NRXN1: variants seen among roughly 807,000 people sequenced by gnomAD.
The protein encoded by NRXN1 is neurexin 1.
Under a neutral mutation model 150.9 loss-of-function variants are expected in NRXN1, and 39 were observed. That is an observed-to-expected ratio of 0.26 (90% CI 0.20 to 0.34). The LOEUF (loss-of-function observed/expected upper bound fraction) is 0.34. Among genes scored for constraint, NRXN1 ranks in the 10% least tolerant of loss-of-function variants. NRXN1 has a pLI of 1.00. For missense variants in NRXN1, 1,815 were observed against 1,949.9 expected (o/e 0.93, Z 1.30); for synonymous variants, 924 against 757.0 (o/e 1.22, Z -3.62).
chr2:50,687,565 C>T (rs1296063095), intron 5 of NRXN1, among the ~76,000 whole-genome samples: 6 of 152,088 alleles, frequency 3.9e-5, no homozygotes, highest in African/African-American at 1.4e-4. Flanking sequence ...GGCTGGGAAA[C>T]CAGATAACCA....
chr2:50,841,495 T>C (rs892624313), intron 5 of NRXN1, among the ~76,000 whole-genome samples: 3 of 152,212 alleles, frequency 2.0e-5, no homozygotes, highest in East Asian at 1.9e-4. Context: ...TACATATGTA[T>C]ACGTATGTGT....
At chr2:50,278,212 A>G (rs1574892553) in intron 17 of NRXN1, among the ~76,000 whole-genome samples, 1 of 87,962 alleles carries the variant, frequency 1.1e-5, no homozygotes, top group Non-Finnish European at 2.4e-5. Context: ...GACACCACCC[A>G]CCACCACACC....
At chr2:50,888,430 G>T (rs1460621410) in intron 5 of NRXN1, among the ~76,000 whole-genome samples, 1 of 151,518 alleles carries the variant, frequency 6.6e-6, no homozygotes, top group Non-Finnish European at 1.5e-5. Flanking sequence ...GGCTAAGGTG[G>T]AACTGAAAGC....
intron 5 of NRXN1, among the ~76,000 whole-genome samples, chr2:50,650,411 C>T (rs1685443761): frequency 6.6e-6 from 1 of 152,126 alleles, no homozygotes; most frequent in Non-Finnish European, 1.5e-5. Context: ...GCTCTCTTCC[C>T]CTGAATCCTC....
At chr2:50,838,728 C>G (rs566527881) in intron 5 of NRXN1, among the ~76,000 whole-genome samples, 3 of 151,998 alleles carry the variant, frequency 2.0e-5, no homozygotes, top group East Asian at 3.9e-4. Context: ...CAAGGACCAC[C>G]AGGGAAAACC....
intron 19 of NRXN1, among the ~76,000 whole-genome samples, chr2:50,067,128 T>C (rs574050034): frequency 6.6e-6 from 1 of 152,182 alleles, no homozygotes; most frequent in East Asian, 1.9e-4. Flanking sequence ...TATATTCATG[T>C]GAGACTGCTG....
At chr2:50,849,550 C>T (rs1035189695) in intron 5 of NRXN1, among the ~76,000 whole-genome samples, 3 of 152,200 alleles carry the variant, frequency 2.0e-5, no homozygotes, top group Non-Finnish European at 2.9e-5. Flanking sequence ...TTTTCTAATA[C>T]TTTTCCACTT....
At chr2:50,596,410 G>C (rs952867929) in intron 8 of NRXN1, among the ~76,000 whole-genome samples, 6 of 152,084 alleles carry the variant, frequency 3.9e-5, no homozygotes, top group Non-Finnish European at 8.8e-5. Context: ...GTTCTTTGTT[G>C]ATGTACACCA....
At chr2:50,832,214 A>G (rs911457898) in intron 5 of NRXN1, among the ~76,000 whole-genome samples, 2 of 152,204 alleles carry the variant, frequency 1.3e-5, no homozygotes, top group Non-Finnish European at 2.9e-5. Context: ...AAAAAGTCAG[A>G]CAAAAATAAT....
At chr2:50,077,400 A>AT (rs146439221) in intron 19 of NRXN1, among the ~76,000 whole-genome samples, 2,382 of 152,252 alleles carry the variant, frequency 0.016, 67 homozygotes, top group African/African-American at 0.053. Flanking sequence ...GCCTCATCTA[A>AT]TTATCCCCAG....
At chr2:50,108,990 C>T (rs1702025632) in intron 18 of NRXN1, among the ~76,000 whole-genome samples, 1 of 151,990 alleles carries the variant, frequency 6.6e-6, no homozygotes, top group Non-Finnish European at 1.5e-5. Context: ...ATAAGATAAA[C>T]ATAAATGCAT....
chr2:50,935,492 C>CGGGA (rs1688398058), intron 2 of NRXN1, among the ~76,000 whole-genome samples: 1 of 152,022 alleles, frequency 6.6e-6, no homozygotes, highest in South Asian at 2.1e-4. Flanking sequence ...CTCAGCACTT[C>CGGGA]GGGAGGCCAA....
At chr2:49,957,575 T>C (rs758715082) in intron 21 of NRXN1, among the ~76,000 whole-genome samples, 7 of 152,146 alleles carry the variant, frequency 4.6e-5, no homozygotes, top group Non-Finnish European at 8.8e-5. Flanking sequence ...ATATGTTTGA[T>C]AGGACAGCGC....
At chr2:49,984,101 A>G (rs1680487072) in intron 21 of NRXN1, among the ~76,000 whole-genome samples, 1 of 152,196 alleles carries the variant, frequency 6.6e-6, no homozygotes, top group Non-Finnish European at 1.5e-5. Flanking sequence ...TAAGAGGCTG[A>G]GGCTGCAGTG....
At chr2:50,879,050 T>C (rs567993617) in intron 5 of NRXN1, among the ~76,000 whole-genome samples, 5 of 151,978 alleles carry the variant, frequency 3.3e-5, no homozygotes, top group Non-Finnish European at 7.4e-5. Context: ...AGGTACCCTG[T>C]AGATGTAACT....
chr2:50,966,966 A>C (rs1245165653), intron 2 of NRXN1, among the ~76,000 whole-genome samples: 1 of 151,952 alleles, frequency 6.6e-6, no homozygotes, highest in Non-Finnish European at 1.5e-5. Context: ...TTGCTTTGGC[A>C]AATAATCTTT....
At chr2:49,995,417 G>A (rs1470709954) in intron 21 of NRXN1, among the ~76,000 whole-genome samples, 1 of 152,074 alleles carries the variant, frequency 6.6e-6, no homozygotes, top group Non-Finnish European at 1.5e-5. Context: ...TCTTGAAAAT[G>A]TAGTCATATT....
intron 18 of NRXN1, among the ~76,000 whole-genome samples, chr2:50,168,966 T>C (rs1401964281): frequency 6.6e-6 from 1 of 152,224 alleles, no homozygotes; most frequent in Non-Finnish European, 1.5e-5. Flanking sequence ...GATGAAAATA[T>C]TGTTTGCCAG....
At chr2:50,274,479 G>C (rs1574872147) in intron 17 of NRXN1, among the ~76,000 whole-genome samples, 1 of 152,028 alleles carries the variant, frequency 6.6e-6, no homozygotes, top group African/African-American at 2.4e-5. Flanking sequence ...GGGTTGATGC[G>C]TGCAGCAAAT....
Sources: allele counts gnomAD v4.1 joint callset (sites outside exome capture counted in the v4.1 genomes callset), GRCh38; gene constraint gnomAD v4.1.1; transcripts MANE v1.5; gene names NCBI Gene and HGNC (gene_info 2026-07-23, HGNC 2026-07-21).